DNAJB1: variants seen among roughly 807,000 people sequenced by gnomAD.
DNAJB1 encodes the protein DnaJ heat shock protein family (Hsp40) member B1, also known as dnaJ homolog subfamily B member 1.
A neutral mutation model predicts 24.0 loss-of-function variants in DNAJB1; 14 were observed. The observed-to-expected ratio is 0.58, with a 90% CI of 0.39 to 0.91. DNAJB1 has a LOEUF of 0.91. DNAJB1 is among the 40% of genes least tolerant of loss of function. DNAJB1 has a pLI of 0.00. For synonymous variants in DNAJB1, 262 were observed against 174.4 expected (o/e 1.50, Z -3.96); for missense variants, 517 against 458.1 (o/e 1.13, Z -1.17).
exon 1 of DNAJB1, chr19:14,529,253 C>G: frequency 3.2e-6 from 1 of 314,318 alleles, no homozygotes; most frequent in Non-Finnish European, 6.3e-6. Flanking sequence ...GTGGATGCTG[C>G]CTTGCCTGTC....
chr19:14,535,576 ATATATATATATATGTATGTATATAT>A, intron 1 of DNAJB1, among the ~76,000 whole-genome samples: 1 of 39,902 alleles, frequency 2.5e-5, no homozygotes, highest in East Asian at 6.2e-4. Context: ...ATATATATAT[ATATATATATATATGTATGTATATAT>A]AAATTAGCCA....
At chr19:14,543,417 ATATTTTTTTTTTTTTTTTTTTTTT>A (rs1391076816) in intron 1 of DNAJB1, among the ~76,000 whole-genome samples, 6 of 9,992 alleles carry the variant, frequency 6.0e-4, no homozygotes, top group Non-Finnish European at 7.9e-4. Flanking sequence ...ATATATATAT[ATATTTTTTTTTTTTTTTTTTTTTT>A]TTTTTTTTTT....
rs976304084 is a variant in DNAJB1 at position 14,545,041 on chromosome 19, C to G, written c.-214+5167G>C. 12 of 455,830 alleles carry G rather than the reference C, an allele frequency of 2.6e-5. No homozygotes were observed. The Admixed American group carries it at 2.8e-4, about 11-fold the overall frequency. The allele number at this position is 455,830 out of a possible 1,614,324, so 28.2% of individuals were successfully genotyped here. A position where few individuals can be genotyped will look rare whatever the true frequency, so the allele number is the denominator to read the frequency against. ...TGGTCCAAGCACCTGAGTCTCTGCCCTGAGTTGTTTCTAAGCCTCTCACCA... is the reference window on the plus strand; with the variant it reads ...TGGTCCAAGCACCTGAGTCTCTGCCGTGAGTTGTTTCTAAGCCTCTCACCA... On this transcript the variant is annotated intron_variant, in intron 1 of 3. Transcript: ENST00000676982.
intron 1 of DNAJB1, among the ~76,000 whole-genome samples, chr19:14,558,321 T>C (rs2073800311): frequency 1.3e-5 from 2 of 152,070 alleles, no homozygotes; most frequent in African/African-American, 2.4e-5. Context: ...ATTAGTAATA[T>C]CTTCATGACC....
chr19:14,539,263 G>T (rs2146569151), intron 1 of DNAJB1, among the ~76,000 whole-genome samples: 2 of 149,708 alleles, frequency 1.3e-5, no homozygotes, highest in African/African-American at 4.9e-5. Flanking sequence ...CAAAGTACTG[G>T]GATTACAGGC....
At position 14,518,394 on chromosome 19, in the gene DNAJB1, C is replaced by G; in HGVS notation, c.-45G>C. The G allele has an allele frequency of 2.6e-6, 4 of 1,513,480 alleles. No homozygotes were observed. The highest frequency in any genetic ancestry group is 1.4e-5 in the African/African-American group (1 of 71,462). The allele number at this position is 1,513,480 out of a possible 1,614,324, so 93.8% of individuals were successfully genotyped here. ...CCGACCCGCTGTCGCCGTCCCCCGG[C>G]TCCGCCGCCGACCAGTCCCGGACTC... On this transcript the variant is annotated 5_prime_UTR_variant, in exon 1 of 3. Transcript: ENST00000254322.
upstream of DNAJB1, among the ~76,000 whole-genome samples, chr19:14,534,331 A>T (rs1281327210): frequency 3.5e-5 from 5 of 143,716 alleles, no homozygotes; most frequent in Non-Finnish European, 6.0e-5. Flanking sequence ...TCACCGTGTT[A>T]GCCAGGATGG....
upstream of DNAJB1, chr19:14,529,424 G>T: frequency 4.9e-6 from 3 of 610,180 alleles, no homozygotes; most frequent in South Asian, 5.5e-5. Context: ...TCCTACAGGC[G>T]TTCCGCCCCC....
At chr19:14,539,722 C>T (rs1475185451) in intron 1 of DNAJB1, among the ~76,000 whole-genome samples, 1 of 152,148 alleles carries the variant, frequency 6.6e-6, no homozygotes, top group African/African-American at 2.4e-5. Flanking sequence ...CTCTGCTTTC[C>T]TCATGCCTGG....
intron 2 of DNAJB1, among the ~76,000 whole-genome samples, chr19:14,527,087 C>T (rs2072438398): frequency 1.3e-5 from 2 of 150,442 alleles, no homozygotes; most frequent in African/African-American, 2.5e-5. Context: ...CCCCCAGCAC[C>T]CAAGAAGGGC....
At chr19:14,555,425 ATTTTTATTTATTCT>A (rs1480696881) in intron 1 of DNAJB1, among the ~76,000 whole-genome samples, 1 of 75,184 alleles carries the variant, frequency 1.3e-5, no homozygotes, top group Non-Finnish European at 2.8e-5. Context: ...ATTTTTTTGT[ATTTTTATTTATTCT>A]TTTTTTTTTT....
chr19:14,528,462 ACTC>A (rs2072486744), intron 1 of DNAJB1, among the ~76,000 whole-genome samples: 1 of 143,822 alleles, frequency 7.0e-6, no homozygotes, highest in South Asian at 2.2e-4. Flanking sequence ...CTGGTCTCGA[ACTC>A]CTCACCTCGT....
rs143859536 is a variant in DNAJB1 at position 14,536,161 on chromosome 19, G to A, written c.-213-8351C>T. ...CAGTATTGATTGATACTCTTCCTGG[G>A]AAGGTGGCAATGCTTACGGGCTTTG... On this transcript the variant is annotated intron_variant, in intron 1 of 3. Coordinates refer to the DNAJB1 transcript ENST00000676982. Among the ~76,000 whole-genome samples the A allele has an allele frequency of 8.7e-3, 1,331 of 152,252 alleles. 17 individuals are homozygous for A. The highest frequency in any genetic ancestry group is 0.031 in the African/African-American group (1,283 of 41,558).
At chr19:14,556,401 A>ACT (rs1228730062) in intron 1 of DNAJB1, among the ~76,000 whole-genome samples, 3 of 146,964 alleles carry the variant, frequency 2.0e-5, no homozygotes, top group Non-Finnish European at 4.5e-5. Context: ...CGACAGCGAG[A>ACT]CTCTCTCAAA....
chr19:14,538,500 C>T (rs955929861), intron 1 of DNAJB1, among the ~76,000 whole-genome samples: 3 of 151,614 alleles, frequency 2.0e-5, no homozygotes, highest in African/African-American at 7.3e-5. Flanking sequence ...CTTTTGGCAC[C>T]TGACCTCTTT....
Position 14,516,008 on chromosome 19 carries a change from C to G in DNAJB1, c.955G>C (p.Glu319Gln), listed in dbSNP as rs1272110558. Residue 319 changes from glutamate (E) to glutamine (Q), a missense_variant, in exon 3 of 3, where the codon GAA (glutamate) becomes CAA (glutamine). Transcript: ENST00000254322. ...GGAATCCTTTCGGGGAAGATCACTT[C>G]AAACTCAATAATGAGGTCCCCACGT... The part of the protein sequence containing the change: ...EKRGDLIIEF[E>Q]VIFPERIPQT... The G allele has an allele frequency of 1.9e-6, 3 of 1,611,418 alleles. No individual in the cohort carries two copies. The highest frequency in any genetic ancestry group is 2.5e-6 in the Non-Finnish European group (3 of 1,179,276).
chr19:14,554,036 G>A (rs536147618), upstream of DNAJB1, among the ~76,000 whole-genome samples: 17 of 152,320 alleles, frequency 1.1e-4, no homozygotes, highest in East Asian at 1.9e-3. Context: ...AGCTCAACAG[G>A]TGGGCTGTGC....
chr19:14,558,446 C>A (rs904777458), intron 1 of DNAJB1, among the ~76,000 whole-genome samples: 1 of 152,214 alleles, frequency 6.6e-6, no homozygotes, highest in Non-Finnish European at 1.5e-5. Context: ...CACCGTGTGT[C>A]CTGGCTCTTG....
intron 2 of DNAJB1, among the ~76,000 whole-genome samples, chr19:14,525,707 T>C (rs981212481): frequency 6.6e-6 from 1 of 151,946 alleles, no homozygotes; most frequent in East Asian, 1.9e-4. Flanking sequence ...GTGTAAATGC[T>C]CTGTATCTTG....
Sources: gnomAD v4.1 joint callset for allele counts (sites outside exome capture counted in the v4.1 genomes callset) on GRCh38, gnomAD v4.1.1 for gene constraint, MANE v1.5 for transcripts, NCBI Gene and HGNC (gene_info 2026-07-23, HGNC 2026-07-21) for gene names.